Variants in SLC29A3 observed in about 807,000 individuals in gnomAD.
SLC29A3 encodes the protein solute carrier family 29 member 3, also known as equilibrative nucleoside transporter 3.
SLC29A3 carries 18 observed loss-of-function variants against 25.4 expected under a neutral mutation model. The observed-to-expected ratio is 0.71, with a 90% CI of 0.49 to 1.05. The LOEUF (loss-of-function observed/expected upper bound fraction) is 1.05. SLC29A3 is among the 50% of genes least tolerant of loss of function. The probability of loss-of-function intolerance (pLI) is 0.00; values close to 1 mark genes in which losing one functional copy is unlikely to be tolerated. For synonymous variants in SLC29A3, 258 were observed against 267.1 expected, an observed-to-expected ratio of 0.97 and a Z score of 0.33; for missense variants, 586 against 609.0, an observed-to-expected ratio of 0.96 and a Z score of 0.40.
chr10:71,362,766 C>T lies in SLC29A3; in HGVS notation c.*158C>T, dbSNP rs1847103262. 1 of 862,434 alleles carries T rather than the reference C, an allele frequency of 1.2e-6. No individual in the cohort carries two copies. Among genetic ancestry groups the T allele is most frequent in the South Asian group, 1.4e-5 (1 of 70,388 alleles). 53.4% of individuals were successfully genotyped at this position (862,434 alleles called of 1,614,324 possible). On this transcript the variant is annotated 3_prime_UTR_variant, in exon 6 of 6. Transcript: ENST00000373189. ...TCCCTCCCAAGATGCCAGTGAGCCA[C>T]GTCCATGCCCATTCCGTGCAAGGCA...
chr10:71,343,590 G>C (rs1846472468), intron 2 of SLC29A3, among the ~76,000 whole-genome samples: 1 of 152,166 alleles, frequency 6.6e-6, no homozygotes, highest in South Asian at 2.1e-4. Context: ...TTCCCTGTAG[G>C]GAGCAGGGCC....
At chr10:71,322,640 C>T (rs1845871105) in intron 1 of SLC29A3, 116 bp from the exon 2 acceptor site, 3 of 1,262,896 alleles carry the variant, frequency 2.4e-6, no homozygotes, top group Non-Finnish European at 3.4e-6. Flanking sequence ...GGTGACTTTA[C>T]AGAGCCCAGG....
At chr10:71,375,793 A>G (rs192901049) in exon 4 of SLC29A3, 71 of 152,310 alleles carry the variant, frequency 4.7e-4, no homozygotes, top group African/African-American at 1.7e-3. Context: ...TGAAAGCCAA[A>G]CAGATACTCA....
chr10:71,358,383 A>T (rs2131847082), intron 5 of SLC29A3, among the ~76,000 whole-genome samples: 1 of 152,242 alleles, frequency 6.6e-6, no homozygotes, highest in African/African-American at 2.4e-5. Flanking sequence ...GGTTCTGAGG[A>T]TAGGAGGGGG....
At chr10:71,323,540 C>G (rs558952557) in intron 2 of SLC29A3, among the ~76,000 whole-genome samples, 3 of 152,256 alleles carry the variant, frequency 2.0e-5, no homozygotes, top group African/African-American at 4.8e-5. Context: ...GTTGCCTGTA[C>G]GAACACTTCC....
rs1305245759 is a variant in SLC29A3 at position 71,322,797 on chromosome 10, TC to T, written c.45del (p.Thr16ProfsTer85). On this transcript the variant is annotated frameshift_variant, in exon 2 of 6. Coordinates refer to ENST00000373189, the MANE Select transcript of SLC29A3 (RefSeq NM_018344.6). LOFTEE classifies it high-confidence loss of function. ...SEDDFQHSSN[S>X]TYRTTSSSLR... Reference sequence around the variant, plus strand: ...GGACGACTTTCAGCACAGTTCAAACTCCACCTACAGAACCACAAGCAGCAGT... The same window carrying T: ...GGACGACTTTCAGCACAGTTCAAACTCACCTACAGAACCACAAGCAGCAGT... 6.2e-7 allele frequency: 1 copy of T among 1,614,074 alleles called. No homozygotes were observed. The highest frequency in any genetic ancestry group is 1.3e-5 in the African/African-American group (1 of 75,014).
At chr10:71,325,486 G>C (rs1845944898) in intron 2 of SLC29A3, among the ~76,000 whole-genome samples, 1 of 152,314 alleles carries the variant, frequency 6.6e-6, no homozygotes, top group South Asian at 2.1e-4. Context: ...GACTGGATTA[G>C]CCTGAGCTGG....
At chr10:71,321,064 T>C (rs1053325994) in intron 1 of SLC29A3, among the ~76,000 whole-genome samples, 1 of 152,190 alleles carries the variant, frequency 6.6e-6, no homozygotes, top group African/African-American at 2.4e-5. Context: ...GTACCTAATA[T>C]ATTAGGCTGT....
At chr10:71,336,609 G>A (rs1420090052) in intron 2 of SLC29A3, among the ~76,000 whole-genome samples, 1 of 151,742 alleles carries the variant, frequency 6.6e-6, no homozygotes, top group African/African-American at 2.4e-5. Context: ...ACCTAAGAGA[G>A]TCTCTTGGCC....
chr10:71,325,428 G>A (rs374933973), intron 2 of SLC29A3, among the ~76,000 whole-genome samples: 155 of 152,258 alleles, frequency 1.0e-3, no homozygotes, highest in African/African-American at 3.1e-3. Context: ...TTACCCGTCC[G>A]ATGAAAAGGA....
In SLC29A3 at chr10:71,342,544, C is replaced by G. The variant is rs74959091; in HGVS notation, c.301-1665C>G. Among the ~76,000 whole-genome samples the G allele has an allele frequency of 3.6e-3, 542 of 152,388 alleles. 5 individuals carry two copies. The highest frequency in any genetic ancestry group is 0.013 in the African/African-American group (528 of 41,600). ...GGGAACCTGAGCCTGCTCGAAGAAACAAAATCATCAGAGATTCTGCATTAC... is the reference window on the plus strand; with the variant it reads ...GGGAACCTGAGCCTGCTCGAAGAAAGAAAATCATCAGAGATTCTGCATTAC... On this transcript the variant is annotated intron_variant, in intron 2 of 5. Coordinates refer to ENST00000373189, the MANE Select transcript of SLC29A3 (RefSeq NM_018344.6).
rs115586136 is a variant in SLC29A3 at position 71,350,023 on chromosome 10, C to A, written c.384-1539C>A. On this transcript the variant is annotated intron_variant, in intron 3 of 5. Coordinates refer to ENST00000373189, the MANE Select transcript of SLC29A3 (RefSeq NM_018344.6). ...CATAGTACTGGACACACAGTAGTTG[C>A]TCAATGCACATTTGCGGAATGACCA... Among the ~76,000 whole-genome samples the A allele has an allele frequency of 6.1e-3, 936 of 152,334 alleles. 8 individuals carry two copies. Among genetic ancestry groups the A allele is most frequent in the African/African-American group, 0.021 (876 of 41,572 alleles).
At chr10:71,326,162 C>T (rs533903369) in intron 2 of SLC29A3, among the ~76,000 whole-genome samples, 73 of 152,148 alleles carry the variant, frequency 4.8e-4, no homozygotes, top group African/African-American at 1.7e-3. Context: ...TCAAGAGATC[C>T]GCCCGCCTCA....
chr10:71,362,309 A>G lies in SLC29A3; in HGVS notation c.1129A>G (p.Lys377Glu), dbSNP rs544781002. 2 of 1,614,060 alleles carry G rather than the reference A, an allele frequency of 1.2e-6. No homozygotes were observed. The highest frequency in any genetic ancestry group is 1.7e-5 in the Admixed American group (1 of 60,020). ...GATCCAGGTGCCAGGGCCCAATAGC[A>G]AGGCGCTCCCAGGGTTCGTGCTCCT... ...AWIQVPGPNSKALPGFVLLRT... is the reference protein window; with the variant it reads ...AWIQVPGPNSEALPGFVLLRT... The change falls in exon 6 of 6, where the codon AAG becomes GAG. Residue 377 changes from lysine to glutamate, a missense_variant. Coordinates refer to ENST00000373189, the MANE Select transcript of SLC29A3 (RefSeq NM_018344.6).
chr10:71,341,837 G>A (rs1268122292), intron 2 of SLC29A3, among the ~76,000 whole-genome samples: 2 of 152,206 alleles, frequency 1.3e-5, no homozygotes, highest in Admixed American at 6.5e-5. Context: ...GCCCACTCCA[G>A]TTGTTGGCAG....
chr10:71,325,915 CTT>C (rs5786034), intron 2 of SLC29A3, among the ~76,000 whole-genome samples: 31 of 122,568 alleles, frequency 2.5e-4, no homozygotes, highest in African/African-American at 1.6e-4. Context: ...TATATTAGTA[CTT>C]TTTTTTTTTT....
Position 71,362,649 on chromosome 10 carries a change from A to T in SLC29A3, c.*41A>T, listed in dbSNP as rs765616104. 6.2e-7 allele frequency: 1 copy of T among 1,613,304 alleles called. No homozygotes were observed. Among genetic ancestry groups the T allele is most frequent in the Non-Finnish European group, 8.5e-7 (1 of 1,179,666 alleles). ...GACATTGGTGCTTCAGAGCCTTTGAAGATGAGAAGAGAGTGCAGGAGGGCT... is the reference window on the plus strand; with the variant it reads ...GACATTGGTGCTTCAGAGCCTTTGATGATGAGAAGAGAGTGCAGGAGGGCT... On this transcript the variant is annotated 3_prime_UTR_variant, in exon 6 of 6. Transcript: ENST00000373189.
At chr10:71,372,087 C>A (rs930259230) in intron 3 of SLC29A3, among the ~76,000 whole-genome samples, 7 of 152,170 alleles carry the variant, frequency 4.6e-5, no homozygotes, top group African/African-American at 1.7e-4. Context: ...AGTCATCGGT[C>A]ACAGGATGCA....
intron 3 of SLC29A3, among the ~76,000 whole-genome samples, chr10:71,373,465 TG>T (rs1479862798): frequency 6.6e-6 from 1 of 152,092 alleles, no homozygotes; most frequent in African/African-American, 2.4e-5. Context: ...CCTCGATTCT[TG>T]AAATAGGGGA....
Sources: gnomAD v4.1 joint callset for allele counts (sites outside exome capture counted in the v4.1 genomes callset) on GRCh38, gnomAD v4.1.1 for gene constraint, MANE v1.5 for transcripts, NCBI Gene and HGNC (gene_info 2026-07-23, HGNC 2026-07-21) for gene names.